NXPH1: variants seen among roughly 807,000 people sequenced by gnomAD.
NXPH1 encodes the protein neurexophilin-1.
A neutral mutation model predicts 23.7 loss-of-function variants in NXPH1; 5 were observed. The ratio of observed to expected loss-of-function variants is 0.21; its 90% CI spans 0.11 to 0.44. The LOEUF (loss-of-function observed/expected upper bound fraction) is 0.44. Ranked by LOEUF, NXPH1 falls within the 20% of genes least tolerant of loss-of-function variation. NXPH1 has a pLI of 0.99. For synonymous variants in NXPH1, 144 were observed against 122.2 expected (o/e 1.18, Z -1.18); for missense variants, 324 against 321.6 (o/e 1.01, Z -0.06).
chr7:8,634,684 T>G (rs1401459575), intron 2 of NXPH1, among the ~76,000 whole-genome samples: 34 of 145,974 alleles, frequency 2.3e-4, no homozygotes, highest in Admixed American at 4.7e-4. Context: ...TTTTTTTTTT[T>G]TTTTTTTTTT....
chr7:8,548,884 C>T lies in NXPH1; in HGVS notation c.54+113117C>T, dbSNP rs117444555. 7.3e-5 allele frequency among the ~76,000 whole-genome samples: 11 copies of T among 151,610 alleles called. No homozygotes were observed. The East Asian group carries it at 2.2e-3, about 30-fold the overall frequency. On this transcript the variant is annotated intron_variant, in intron 2 of 2. Transcript: ENST00000405863. ...TCTTTGACACTAACTAGCTTCTTGA[C>T]ATCAGCATCAGTTTTCTCATCAGTA...
chr7:8,481,396 T>G (rs1563323011), intron 2 of NXPH1, among the ~76,000 whole-genome samples: 1 of 152,114 alleles, frequency 6.6e-6, no homozygotes, highest in Non-Finnish European at 1.5e-5. Context: ...AACACCTCCA[T>G]GAAAATATTT....
chr7:8,708,671 G>C (rs1338677948), intron 2 of NXPH1, among the ~76,000 whole-genome samples: 1 of 151,814 alleles, frequency 6.6e-6, no homozygotes, highest in African/African-American at 2.4e-5. Context: ...TAGAATATGT[G>C]TTTCTCTATA....
chr7:8,446,326 G>A (rs1041606047), intron 2 of NXPH1, among the ~76,000 whole-genome samples: 1 of 152,030 alleles, frequency 6.6e-6, no homozygotes, highest in Non-Finnish European at 1.5e-5. Context: ...AGAGTCCAAG[G>A]TAACATCTAA....
intron 2 of NXPH1, among the ~76,000 whole-genome samples, chr7:8,738,853 C>G (rs1428538625): frequency 6.6e-6 from 1 of 152,152 alleles, no homozygotes; most frequent in Non-Finnish European, 1.5e-5. Flanking sequence ...GGCACATTGG[C>G]TACAGTAGGT....
intron 2 of NXPH1, among the ~76,000 whole-genome samples, chr7:8,665,922 T>G (rs936317235): frequency 1.3e-5 from 2 of 148,672 alleles, no homozygotes; most frequent in African/African-American, 5.0e-5. Context: ...CTTTTTCTTT[T>G]TTTTTTTTTT....
At chr7:8,474,337 T>TAGC (rs147425733) in intron 2 of NXPH1, among the ~76,000 whole-genome samples, 245 of 152,288 alleles carry the variant, frequency 1.6e-3, no homozygotes, top group African/African-American at 5.6e-3. Flanking sequence ...AAAGAAGTAG[T>TAGC]AAAGCTTTCT....
intron 2 of NXPH1, among the ~76,000 whole-genome samples, chr7:8,529,840 A>G (rs548375137): frequency 1.3e-5 from 2 of 152,240 alleles, no homozygotes; most frequent in African/African-American, 4.8e-5. Flanking sequence ...TTAAGCTGAG[A>G]ATGGCATGAA....
At chr7:8,556,217 T>C (rs974582329) in intron 2 of NXPH1, among the ~76,000 whole-genome samples, 1 of 151,628 alleles carries the variant, frequency 6.6e-6, no homozygotes, top group Non-Finnish European at 1.5e-5. Context: ...AGTGATTACA[T>C]AGAGTGTGTG....
chr7:8,484,546 T>C (rs567664799), intron 2 of NXPH1, among the ~76,000 whole-genome samples: 30 of 152,280 alleles, frequency 2.0e-4, no homozygotes, highest in Non-Finnish European at 3.7e-4. Flanking sequence ...ATGAATGAAA[T>C]AAGATTAGCC....
chr7:8,448,750 G>A (rs539183649), intron 2 of NXPH1, among the ~76,000 whole-genome samples: 78 of 151,600 alleles, frequency 5.1e-4, no homozygotes, highest in African/African-American at 1.8e-3. Context: ...GGGAGGGGGA[G>A]GTTGCCATGA....
intron 2 of NXPH1, among the ~76,000 whole-genome samples, chr7:8,644,262 G>A (rs1418891632): frequency 1.3e-5 from 2 of 152,156 alleles, no homozygotes; most frequent in Non-Finnish European, 2.9e-5. Flanking sequence ...GGGAGAAGGA[G>A]GGCCAACACT....
intron 2 of NXPH1, among the ~76,000 whole-genome samples, chr7:8,641,327 C>T (rs191567910): frequency 3.3e-5 from 5 of 152,180 alleles, no homozygotes; most frequent in Admixed American, 2.6e-4. Context: ...CCCTGGTGTG[C>T]GGGAGCAAGC....
intron 2 of NXPH1, among the ~76,000 whole-genome samples, chr7:8,585,647 GT>G (rs757801691): frequency 6.6e-6 from 1 of 152,154 alleles, no homozygotes; most frequent in Non-Finnish European, 1.5e-5. Context: ...AATATGATAT[GT>G]TTTGGCTGGA....
At chr7:8,670,630 C>T (rs1583223555) in intron 2 of NXPH1, among the ~76,000 whole-genome samples, 1 of 152,276 alleles carries the variant, frequency 6.6e-6, no homozygotes, top group South Asian at 2.1e-4. Flanking sequence ...CTTCTATTAG[C>T]ATCACCTTTA....
At chr7:8,594,016 T>C (rs1562416909) in intron 2 of NXPH1, among the ~76,000 whole-genome samples, 1 of 151,508 alleles carries the variant, frequency 6.6e-6, no homozygotes, top group Non-Finnish European at 1.5e-5. Flanking sequence ...GTGGGAGGTA[T>C]GATAGCAACA....
At chr7:8,443,522 A>C (rs954166842) in intron 2 of NXPH1, among the ~76,000 whole-genome samples, 3 of 152,264 alleles carry the variant, frequency 2.0e-5, no homozygotes, top group Non-Finnish European at 4.4e-5. Flanking sequence ...ACACGGCTGG[A>C]GCCACCCAGG....
intron 2 of NXPH1, among the ~76,000 whole-genome samples, chr7:8,668,302 C>G (rs1401042738): frequency 4.3e-5 from 6 of 139,366 alleles, no homozygotes; most frequent in Admixed American, 7.9e-5. Flanking sequence ...ATGTTGATAA[C>G]TGCACATTTG....
At chr7:8,454,463 G>T (rs1409961316) in intron 2 of NXPH1, among the ~76,000 whole-genome samples, 1 of 152,060 alleles carries the variant, frequency 6.6e-6, no homozygotes, top group East Asian at 1.9e-4. Flanking sequence ...CCTTCTACAG[G>T]ATGTTTCAGT....
Sources: gnomAD v4.1 joint callset for allele counts (sites outside exome capture counted in the v4.1 genomes callset) on GRCh38, gnomAD v4.1.1 for gene constraint, MANE v1.5 for transcripts, NCBI Gene and HGNC (gene_info 2026-07-23, HGNC 2026-07-21) for gene names.